The following MOB2 variants were observed in gnomAD, a reference collection of about 807,000 sequenced individuals.
MOB2 encodes MOB2 Mps One Binder homolog.
In MOB2, 14 loss-of-function variants were observed where a neutral mutation model predicts 27.4. That is an observed-to-expected ratio of 0.51 (90% CI 0.34 to 0.80). MOB2 has a LOEUF of 0.80. Among genes scored for constraint, MOB2 ranks in the 30% least tolerant of loss-of-function variants. MOB2 has a pLI of 0.01. For missense variants in MOB2, 304 were observed against 354.6 expected (o/e 0.86, Z 1.15); for synonymous variants, 167 against 151.8 (o/e 1.10, Z -0.74).
At chr11:1,471,150 A>G (rs1482348689) in intron 4 of MOB2, 145 bp downstream of exon 4, 1 of 1,177,890 alleles carries the variant, frequency 8.5e-7, no homozygotes, top group Non-Finnish European at 1.2e-6. Context: ...AGGTGGCTCC[A>G]TGCTAAGCAG....
At chr11:1,480,970 G>A (rs1320342554) in intron 1 of MOB2, 85 bp from the exon 2 acceptor site, 1 of 1,495,818 alleles carries the variant, frequency 6.7e-7, no homozygotes, top group Non-Finnish European at 9.0e-7. Context: ...GCCAGCGCAG[G>A]TGTAGAGGGA....
chr11:1,478,012 TG>T (rs1847870635), intron 3 of MOB2, among the ~76,000 whole-genome samples: 1 of 152,256 alleles, frequency 6.6e-6, no homozygotes, highest in East Asian at 1.9e-4. Flanking sequence ...TTACCTATTC[TG>T]ATTCTGACTG....
chr11:1,474,802 A>G (rs935270362), intron 3 of MOB2, among the ~76,000 whole-genome samples: 1 of 152,196 alleles, frequency 6.6e-6, no homozygotes, highest in Non-Finnish European at 1.5e-5. Context: ...TGTTCCATGG[A>G]GCTCTGTATC....
At position 1,469,602 on chromosome 11, in the gene MOB2, C is replaced by T; in HGVS notation, c.*570G>A. The T allele has an allele frequency of 2.2e-6, 1 of 456,874 alleles. No homozygotes were observed. Among genetic ancestry groups the T allele is most frequent in the Non-Finnish European group, 4.4e-6 (1 of 227,100 alleles). The allele number at this position is 456,874 out of a possible 1,614,324, so 28.3% of individuals were successfully genotyped here. A position where few individuals can be genotyped will look rare whatever the true frequency, so the allele number is the denominator to read the frequency against. ...GACTGCACCATGGGTGTTCCTTGGG[C>T]ATGGAGGAGGCAGCAGGAAGGGGTG... On this transcript the variant is annotated 3_prime_UTR_variant, in exon 5 of 5. Coordinates refer to ENST00000329957, the MANE Select transcript of MOB2 (RefSeq NM_001172223.3).
intron 1 of MOB2, among the ~76,000 whole-genome samples, chr11:1,485,551 G>A (rs994064420): frequency 6.6e-6 from 1 of 152,230 alleles, no homozygotes. Flanking sequence ...GGTGCCCAGG[G>A]ACAGGCAGAG....
chr11:1,478,366 G>A (rs1847875118), intron 3 of MOB2, among the ~76,000 whole-genome samples: 2 of 152,282 alleles, frequency 1.3e-5, no homozygotes, highest in Non-Finnish European at 2.9e-5. Flanking sequence ...TCTGCAGGGA[G>A]CCTCTGGAAC....
chr11:1,473,156 C>T (rs1847814254), intron 3 of MOB2: 1 of 152,370 alleles, frequency 6.6e-6, no homozygotes, highest in African/African-American at 2.4e-5. Context: ...TGACTCAGCC[C>T]ACCCGAAGGG....
At chr11:1,481,216 C>T in intron 1 of MOB2, 1 of 422,168 alleles carries the variant, frequency 2.4e-6, no homozygotes, top group South Asian at 2.1e-5. Context: ...CCCCCAGCGC[C>T]CACCTTCCAG....
rs2133365253 is a variant in MOB2 at position 1,480,369 on chromosome 11, G to A, written c.365+24C>T. ...CCCACCGAGTCTCCCAAGAGAAAGT[G>A]GGCTGTAGCCAGGCAGCACTCACGT... is the stretch of plus-strand genomic sequence containing the variant. On this transcript the variant is annotated intron_variant, in intron 3 of 4. Transcript: ENST00000329957. 3.7e-6 allele frequency: 6 copies of A among 1,608,010 alleles called. No homozygotes were observed. The South Asian group carries it at 6.6e-5, about 18-fold the overall frequency.
chr11:1,471,562 A>G (rs1847791580), intron 3 of MOB2, 143 bp from the exon 4 acceptor site: 3 of 935,268 alleles, frequency 3.2e-6, no homozygotes, highest in Admixed American at 2.3e-5. Flanking sequence ...CTCCCTGGAC[A>G]TGCACACTGT....
chr11:1,473,304 G>C (rs1847816131), intron 3 of MOB2: 2 of 152,340 alleles, frequency 1.3e-5, no homozygotes. Flanking sequence ...CCTCACCGTG[G>C]GCATCGCCAC....
At chr11:1,473,033 A>G (rs1381879356) in intron 3 of MOB2, 1 of 152,854 alleles carries the variant, frequency 6.5e-6, no homozygotes, top group Non-Finnish European at 1.5e-5. Flanking sequence ...CCTCTGCAAC[A>G]GAAACAGCCA....
At position 1,483,618 on chromosome 11, in the gene MOB2, G is replaced by A. The variant is rs574649022; in HGVS notation, c.111-2733C>T. Reference sequence around the variant, plus strand: ...GATGACCTGTCCTGCCTGCCACAGGGGTCTGCACCCTGTTTGTGGGCACCA... The same window carrying A: ...GATGACCTGTCCTGCCTGCCACAGGAGTCTGCACCCTGTTTGTGGGCACCA... On this transcript the variant is annotated intron_variant, in intron 1 of 4. Coordinates refer to ENST00000329957, the MANE Select transcript of MOB2 (RefSeq NM_001172223.3). 1.5e-4 allele frequency among the ~76,000 whole-genome samples: 23 copies of A among 152,268 alleles called. No individual in the cohort carries two copies. In the East Asian group the frequency reaches 4.4e-3, roughly 29 times the overall value.
rs79068061 is a variant in MOB2 at position 1,482,162 on chromosome 11, G to A, written c.111-1277C>T. On this transcript the variant is annotated intron_variant, in intron 1 of 4. Transcript: ENST00000329957. ...AGCCTGGGCTCGGCCTTCCCATTTG[G>A]AGGGGTGGGTTGCAGTGGCCCAGGC... Among the ~76,000 whole-genome samples the A allele has an allele frequency of 2.3e-3, 349 of 152,336 alleles. 1 individual carries two copies. The highest frequency in any genetic ancestry group is 4.1e-3 in the Non-Finnish European group (279 of 68,018).
chr11:1,475,704 C>T (rs1847845645), intron 3 of MOB2, among the ~76,000 whole-genome samples: 2 of 152,196 alleles, frequency 1.3e-5, no homozygotes, highest in African/African-American at 4.8e-5. Flanking sequence ...CTGCTCCCAT[C>T]CTCTCACCTC....
rs193084581 is a variant in MOB2 at position 1,480,904 on chromosome 11, C to A, written c.111-19G>T. 1.3e-6 allele frequency: 2 copies of A among 1,550,926 alleles called. No individual in the cohort carries two copies. The highest frequency in any genetic ancestry group is 1.2e-5 in the South Asian group (1 of 84,050). On this transcript the variant is annotated intron_variant, in intron 1 of 4. Coordinates refer to ENST00000329957, the MANE Select transcript of MOB2 (RefSeq NM_001172223.3). ...GGACTTCCTGCCAAGAGAGGAGACG[C>A]GGTGTGGTCACTACACGCCCATCAG...
In MOB2 at chr11:1,480,776, G is replaced by A; in HGVS notation, c.220C>T (p.Leu74=). The A allele has an allele frequency of 6.2e-7, 1 of 1,604,746 alleles. No individual in the cohort carries two copies. The highest frequency in any genetic ancestry group is 1.3e-5 in the African/African-American group (1 of 74,918). ...ARITDFQFKE[L]VVLPREIDLN... ...TCAATCTCGCGGGGCAGCACCACCA[G>A]CTCCTTGAACTGGAAGTCGGTGATC... The change falls in exon 2 of 5, where the codon CTG becomes TTG. Residue 74 remains leucine (L), a synonymous_variant. Transcript: ENST00000329957.
rs769199222 is a variant in MOB2, at chr11:1,471,438, G to A, written c.366-19C>T. 2.2e-5 allele frequency: 35 copies of A among 1,603,702 alleles called. No homozygotes were observed. The East Asian group carries it at 2.2e-4, about 10-fold the overall frequency. On this transcript the variant is annotated intron_variant, in intron 3 of 4. Coordinates refer to ENST00000329957, the MANE Select transcript of MOB2 (RefSeq NM_001172223.3). ...GTACTGTCTGTGGAGACAGAGACAC[G>A]GTCAGGGCATGCGCCCGCTGCACAC...
At chr11:1,471,180 G>A in intron 4 of MOB2, 115 bp downstream of exon 4, 2 of 1,383,034 alleles carry the variant, frequency 1.4e-6, no homozygotes, top group Non-Finnish European at 1.9e-6. Context: ...TGGTGCAGCT[G>A]CCGCCCTCCG....
Sources: allele counts gnomAD v4.1 joint callset (sites outside exome capture counted in the v4.1 genomes callset), GRCh38; gene constraint gnomAD v4.1.1; transcripts MANE v1.5; gene names NCBI Gene and HGNC (gene_info 2026-07-23, HGNC 2026-07-21).